ZNF718: variants seen among roughly 807,000 people sequenced by gnomAD.
ZNF718 encodes the protein zinc finger protein 718.
ZNF718 carries 3 observed loss-of-function variants against 2.6 expected under a neutral mutation model. That is an observed-to-expected ratio of 1.16 (90% confidence interval 0.53 to 3.01). ZNF718 has a LOEUF of 3.01. Among genes scored for constraint, ZNF718 ranks in the 30% most tolerant of loss-of-function variants. ZNF718 has a pLI of 0.03. For synonymous variants in ZNF718, 135 were observed against 77.9 expected (o/e 1.73, Z -3.86); for missense variants, 468 against 230.0 (o/e 2.03, Z -6.69).
At chr4:179,561 A>T (rs1343534415) in intron 3 of ZNF718, among the ~76,000 whole-genome samples, 1 of 152,214 alleles carries the variant, frequency 6.6e-6, no homozygotes, top group Non-Finnish European at 1.5e-5. Flanking sequence ...TTGGAATTGC[A>T]TCAGAGATCA....
chr4:173,321 A>G (rs1341163931), intron 3 of ZNF718, among the ~76,000 whole-genome samples: 1 of 152,228 alleles, frequency 6.6e-6, no homozygotes, highest in Non-Finnish European at 1.5e-5. Flanking sequence ...TCGTTAATAC[A>G]AATTTATTTA....
In ZNF718 at chr4:124,587, A is replaced by ACAGCCT; in HGVS notation, c.-76_-71dup. The ACAGCCT allele has an allele frequency of 6.3e-7, 1 of 1,581,286 alleles. No individual in the cohort carries two copies. The highest frequency in any genetic ancestry group is 8.6e-7 in the Non-Finnish European group (1 of 1,162,790). The stretch of plus-strand genomic sequence containing the variant: ...TTAGGGAAGCCTCGGTGATTCTGCC[A>ACAGCCT]CAGCCTCAGCCTCTGTGGCTCTGTG... On this transcript the variant is annotated 5_prime_UTR_variant, in exon 1 of 4. Transcript: ENST00000510175.
chr4:149,019 A>G (rs1284338095), intron 3 of ZNF718, among the ~76,000 whole-genome samples: 1 of 152,114 alleles, frequency 6.6e-6, no homozygotes, highest in African/African-American at 2.4e-5. Flanking sequence ...TTTTACATGG[A>G]TTTCTAAGTT....
At chr4:185,853 T>G (rs1022220635) in intron 3 of ZNF718, among the ~76,000 whole-genome samples, 3 of 152,100 alleles carry the variant, frequency 2.0e-5, no homozygotes, top group African/African-American at 4.8e-5. Flanking sequence ...CTTGGTAAAT[T>G]TTCATCCATC....
rs1716746372 is a variant in ZNF718, at chr4:159,834, C to G, written c.227-1078C>G. The stretch of plus-strand genomic sequence containing the variant: ...GGGCCATGTTGCCCTAGTATTTTGC[C>G]TACATTGTAATATTGTTATTTGAAC... On this transcript the variant is annotated intron_variant, in intron 3 of 3. Coordinates refer to ENST00000510175, the MANE Select transcript of ZNF718 (RefSeq NM_001039127.6). 2.0e-5 allele frequency among the ~76,000 whole-genome samples: 3 copies of G among 152,050 alleles called. No homozygotes were observed. The South Asian group carries it at 6.2e-4, about 32-fold the overall frequency.
At chr4:142,642 T>G (rs782539518) in intron 3 of ZNF718, among the ~76,000 whole-genome samples, 25 of 152,346 alleles carry the variant, frequency 1.6e-4, no homozygotes, top group Middle Eastern at 6.8e-3. Context: ...CAAATTCTAC[T>G]GTAAAGGCTA....
At chr4:134,503 T>C (rs890728452) in intron 3 of ZNF718, among the ~76,000 whole-genome samples, 1 of 152,214 alleles carries the variant, frequency 6.6e-6, no homozygotes, top group Non-Finnish European at 1.5e-5. Context: ...TTTCTATTAC[T>C]GTGAAAAATG....
rs142850529 is a variant in ZNF718 at position 175,361 on chromosome 4, C to G, written c.227-25720C>G. 2.3e-3 allele frequency among the ~76,000 whole-genome samples: 355 copies of G among 152,304 alleles called. 2 individuals carry two copies. The highest frequency in any genetic ancestry group is 8.0e-3 in the African/African-American group (333 of 41,566). On this transcript the variant is annotated intron_variant and NMD_transcript_variant, in intron 3 of 4. Coordinates refer to the ZNF718 transcript ENST00000642529. Reference sequence around the variant, plus strand: ...CTGGCATCTCTAGTTGGATAAATCACTTTTGAATAAAACCCTGGAAAGACT... The same window carrying G: ...CTGGCATCTCTAGTTGGATAAATCAGTTTTGAATAAAACCCTGGAAAGACT...
downstream of ZNF718, among the ~76,000 whole-genome samples, chr4:168,904 G>T (rs542150994): frequency 6.6e-6 from 1 of 152,106 alleles, no homozygotes; most frequent in African/African-American, 2.4e-5. Flanking sequence ...GCTTTTGAAT[G>T]TGTTTGCTCT....
intron 3 of ZNF718, among the ~76,000 whole-genome samples, chr4:151,947 G>C (rs1423064363): frequency 3.3e-5 from 5 of 150,634 alleles, no homozygotes; most frequent in African/African-American, 1.2e-4. Context: ...TCAAAGAGGG[G>C]GATGTGTCAG....
At chr4:138,555 A>G (rs782132079) in intron 3 of ZNF718, among the ~76,000 whole-genome samples, 4 of 152,178 alleles carry the variant, frequency 2.6e-5, no homozygotes, top group East Asian at 3.8e-4. Flanking sequence ...TTGCTTCTAA[A>G]TTTTGGCTAA....
At chr4:124,914 AG>A in intron 1 of ZNF718, 1 of 474,096 alleles carries the variant, frequency 2.1e-6, no homozygotes, top group Non-Finnish European at 3.8e-6. Context: ...TGGAGTGAGT[AG>A]GAGCTCATCC....
chr4:125,585 C>T (rs901586007), intron 1 of ZNF718, among the ~76,000 whole-genome samples: 2 of 152,226 alleles, frequency 1.3e-5, no homozygotes, highest in African/African-American at 2.4e-5. Context: ...AGGAAGTCAC[C>T]TGGTGTCCGC....
intron 3 of ZNF718, among the ~76,000 whole-genome samples, chr4:191,313 T>C (rs1717690282): frequency 6.6e-6 from 1 of 151,834 alleles, no homozygotes; most frequent in South Asian, 2.1e-4. Context: ...GACACCTGGC[T>C]AATTTTTGTA....
chr4:127,045 C>G (rs1194960509), intron 1 of ZNF718, among the ~76,000 whole-genome samples: 1 of 152,116 alleles, frequency 6.6e-6, no homozygotes, highest in Non-Finnish European at 1.5e-5. Context: ...AGGATGGTCT[C>G]CATCTTCTGA....
intron 3 of ZNF718, among the ~76,000 whole-genome samples, chr4:198,563 G>C (rs537580691): frequency 1.8e-4 from 28 of 152,332 alleles, no homozygotes; most frequent in Non-Finnish European, 3.7e-4. Flanking sequence ...ATTCAGGAAA[G>C]AGGGAAGGGA....
rs376696575 is a variant in ZNF718 at position 179,043 on chromosome 4, G to A, written c.227-22038G>A. 5.9e-4 allele frequency among the ~76,000 whole-genome samples: 90 copies of A among 152,226 alleles called. No homozygotes were observed. The South Asian group carries it at 0.017, about 29-fold the overall frequency. ...TGTCTCACATTTAGGTATTTGGTCT[G>A]TGTAAAATATTTTCTTTGCATGCTA... On this transcript the variant is annotated intron_variant and NMD_transcript_variant, in intron 3 of 4. Coordinates refer to the ZNF718 transcript ENST00000642529.
intron 3 of ZNF718, among the ~76,000 whole-genome samples, chr4:145,700 C>T (rs963222223): frequency 2.6e-5 from 4 of 152,122 alleles, no homozygotes; most frequent in Admixed American, 2.6e-4. Context: ...TCAAGCACTC[C>T]ACCTGCCTTG....
intron 3 of ZNF718, among the ~76,000 whole-genome samples, chr4:173,665 G>T (rs531376138): frequency 1.3e-5 from 2 of 152,220 alleles, no homozygotes; most frequent in East Asian, 3.9e-4. Flanking sequence ...CCTATCCCAG[G>T]CTGTCCACCT....
Sources: gnomAD v4.1 joint callset for allele counts (sites outside exome capture counted in the v4.1 genomes callset) on GRCh38, gnomAD v4.1.1 for gene constraint, MANE v1.5 for transcripts, NCBI Gene and HGNC (gene_info 2026-07-23, HGNC 2026-07-21) for gene names.